PATE1: variants seen among roughly 807,000 people sequenced by gnomAD.
PATE1 encodes prostate and testis expressed protein 1.
PATE1 carries 21 observed loss-of-function variants against 13.1 expected under a neutral mutation model. That is an observed-to-expected ratio of 1.61 (90% confidence interval 1.14 to 2.31). PATE1 has a LOEUF of 2.31. Among genes scored for constraint, PATE1 ranks in the 30% most tolerant of loss-of-function variants. The pLI, the probability that PATE1 is intolerant of heterozygous loss-of-function variation, is 0.00. For synonymous variants in PATE1, 52 were observed against 47.1 expected, an observed-to-expected ratio of 1.10 and a Z score of -0.43; for missense variants, 166 against 147.2, an observed-to-expected ratio of 1.13 and a Z score of -0.66.
In PATE1 at chr11:125,746,464, T is replaced by C. The variant is rs1001414957; in HGVS notation, c.52+108T>C. ...GAGTCCTATGGCAACTGAAGCATGATGAGCTTCTGTTCTAATGTTATGCCT... is the reference window on the plus strand; with the variant it reads ...GAGTCCTATGGCAACTGAAGCATGACGAGCTTCTGTTCTAATGTTATGCCT... On this transcript the variant is annotated intron_variant, in intron 1 of 4. Transcript: ENST00000305738. 16 of 1,367,310 alleles carry C rather than the reference T, an allele frequency of 1.2e-5. No individual in the cohort carries two copies. In the African/African-American group the frequency reaches 1.7e-4, roughly 15 times the overall value. The allele number at this position is 1,367,310 out of a possible 1,614,324, so 84.7% of individuals were successfully genotyped here.
In PATE1 at chr11:125,748,590, C is replaced by G; in HGVS notation, c.248-10C>G. On this transcript the variant is annotated splice_polypyrimidine_tract_variant and intron_variant, in intron 4 of 4. Transcript: ENST00000305738. ...CAGGCTTCCTGATCTGTTTTTTCTC[C>G]CCTCCACAGGGGATGGTAATCCCTG... 2.5e-6 allele frequency: 4 copies of G among 1,607,440 alleles called. No homozygotes were observed. The highest frequency in any genetic ancestry group is 3.4e-6 in the Non-Finnish European group (4 of 1,178,246).
In PATE1 at chr11:125,749,380, CAGG is replaced by C. The variant is rs71969313; in HGVS notation, c.*650_*652del. On this transcript the variant is annotated 3_prime_UTR_variant, in exon 5 of 5. Coordinates refer to ENST00000305738, the MANE Select transcript of PATE1 (RefSeq NM_138294.3). ...GGGGCTGGGGGTTGGAGAATAAAAGCAGGAGAAGTCTATGGGATTCTAGAAATA... is the reference window on the plus strand; with the variant it reads ...GGGGCTGGGGGTTGGAGAATAAAAGCAGAAGTCTATGGGATTCTAGAAATA... The C allele has an allele frequency of 0.53, 80,073 of 151,786 alleles. 21,842 individuals are homozygous for C. The highest frequency in any genetic ancestry group is 0.68 in the African/African-American group (28,146 of 41,332). 9.4% of individuals were successfully genotyped at this position (151,786 alleles called of 1,614,324 possible).
At position 125,749,594 on chromosome 11, in the gene PATE1, A is replaced by G. The variant is rs1158280265; in HGVS notation, c.*861A>G. 1 of 152,144 alleles carries G rather than the reference A, an allele frequency of 6.6e-6. No individual in the cohort carries two copies. The highest frequency in any genetic ancestry group is 1.5e-5 in the Non-Finnish European group (1 of 68,036). 9.4% of individuals were successfully genotyped at this position (152,144 alleles called of 1,614,324 possible). A position where few individuals can be genotyped will look rare whatever the true frequency, so the allele number is the denominator to read the frequency against. On this transcript the variant is annotated 3_prime_UTR_variant, in exon 5 of 5. Coordinates refer to ENST00000305738, the MANE Select transcript of PATE1 (RefSeq NM_138294.3). Reference sequence around the variant, plus strand: ...AGGAAGCCATTTGAGTCTGGCCACTAGACATCTCATCAGCCACTTGTGTGA... The same window carrying G: ...AGGAAGCCATTTGAGTCTGGCCACTGGACATCTCATCAGCCACTTGTGTGA...
chr11:125,747,437 T>C (rs772708308), intron 3 of PATE1, 26 bp downstream of exon 3: 2 of 1,597,968 alleles, frequency 1.3e-6, no homozygotes, highest in African/African-American at 1.3e-5. Context: ...ACCTGTCTGA[T>C]CACCTCAGTC....
rs531287501 is a variant in PATE1 at position 125,746,357 on chromosome 11, G to A, written c.52+1G>A. ...CCCATCCTGCTCTGCTGCTTTAGGG[G>A]TGAGTCCCTAGGGTTGACAGCTGGT... On this transcript the variant is annotated splice_donor_variant, in intron 1 of 4. Coordinates refer to ENST00000305738, the MANE Select transcript of PATE1 (RefSeq NM_138294.3). LOFTEE classifies it high-confidence loss of function. 1.2e-4 allele frequency: 190 copies of A among 1,613,686 alleles called. No individual in the cohort carries two copies. The South Asian group carries it at 1.4e-3, about 12-fold the overall frequency.
chr11:125,747,901 T>C (rs2134165131), intron 4 of PATE1, 79 bp downstream of exon 4: 1 of 1,572,604 alleles, frequency 6.4e-7, no homozygotes, highest in Non-Finnish European at 8.7e-7. Context: ...AAAGGAGAGA[T>C]CTTACTTTAC....
chr11:125,746,466 A>T, intron 1 of PATE1, 110 bp downstream of exon 1: 1 of 1,364,638 alleles, frequency 7.3e-7, no homozygotes, highest in Non-Finnish European at 1.0e-6. Flanking sequence ...AAGCATGATG[A>T]GCTTCTGTTC....
At chr11:125,746,548 A>AT (rs1943273281) in intron 1 of PATE1, 113 bp from the exon 2 acceptor site, 1 of 1,406,242 alleles carries the variant, frequency 7.1e-7, no homozygotes, top group Non-Finnish European at 1.0e-6. Flanking sequence ...CCCTTCCTTT[A>AT]TGGGGGGAAA....
intron 3 of PATE1, 107 bp downstream of exon 3, chr11:125,747,518 G>C: frequency 2.1e-6 from 3 of 1,433,910 alleles, no homozygotes; most frequent in Non-Finnish European, 2.9e-6. Flanking sequence ...TAAAATTCCT[G>C]AGACCATAAA....
intron 1 of PATE1, 131 bp from the exon 2 acceptor site, chr11:125,746,530 G>A (rs2134164365): frequency 7.5e-7 from 1 of 1,338,228 alleles, no homozygotes; most frequent in Non-Finnish European, 1.1e-6. Context: ...CTTAACTAAA[G>A]CTCTTCTCCC....
chr11:125,746,324 T>C lies in PATE1; in HGVS notation c.20T>C (p.Leu7Pro), dbSNP rs749225590. Residue 7 changes from leucine (L) to proline (P), a missense_variant, in exon 1 of 5, where the codon CTG (leucine) becomes CCG (proline). Physicochemically the swap from Leu to Pro is moderately conservative, Grantham distance 98 (BLOSUM62 -3). Coordinates refer to ENST00000305738, the MANE Select transcript of PATE1 (RefSeq NM_138294.3). MDKSLLLELPILLCCFR... is the reference protein window; with the variant it reads MDKSLLPELPILLCCFR... ...TCCAAAATGGACAAGTCCCTCTTGC[T>C]GGAACTCCCCATCCTGCTCTGCTGC... 3.1e-6 allele frequency: 5 copies of C among 1,613,956 alleles called. No homozygotes were observed. In the South Asian group the frequency reaches 5.5e-5, roughly 18 times the overall value.
chr11:125,748,843 G>A lies in PATE1; in HGVS notation c.*110G>A. On this transcript the variant is annotated 3_prime_UTR_variant, in exon 5 of 5. Coordinates refer to ENST00000305738, the MANE Select transcript of PATE1 (RefSeq NM_138294.3). Reference sequence around the variant, plus strand: ...ACACACACACACACACACTACAGAAGAGGATTGCAAACACATGGCTCCATC... The same window carrying A: ...ACACACACACACACACACTACAGAAAAGGATTGCAAACACATGGCTCCATC... 1 of 1,319,224 alleles carries A rather than the reference G, an allele frequency of 7.6e-7. No homozygotes were observed. Among genetic ancestry groups the A allele is most frequent in the Non-Finnish European group, 1.0e-6 (1 of 975,054 alleles). 81.7% of individuals were successfully genotyped at this position (1,319,224 alleles called of 1,614,324 possible).
Position 125,749,254 on chromosome 11 carries a change from T to C in PATE1, c.*521T>C, listed in dbSNP as rs1943309119. On this transcript the variant is annotated 3_prime_UTR_variant, in exon 5 of 5. Transcript: ENST00000305738. ...AGTCTTCTTGGAGTTTGTTCATGAATGCTGATCCCAGGGTGAGGAGAAGAT... is the reference window on the plus strand; with the variant it reads ...AGTCTTCTTGGAGTTTGTTCATGAACGCTGATCCCAGGGTGAGGAGAAGAT... The C allele has an allele frequency of 6.6e-6, 1 of 152,272 alleles. No homozygotes were observed. The highest frequency in any genetic ancestry group is 6.5e-5 in the Admixed American group (1 of 15,276). The allele number at this position is 152,272 out of a possible 1,614,324, so 9.4% of individuals were successfully genotyped here.
At chr11:125,748,120 G>T (rs984571515) in intron 4 of PATE1, 7 of 374,646 alleles carry the variant, frequency 1.9e-5, no homozygotes, top group Admixed American at 8.0e-5. Flanking sequence ...ACAGTGTGTT[G>T]TTGAGTTGTG....
At chr11:125,748,510 A>C in intron 4 of PATE1, 90 bp from the exon 5 acceptor site, 1 of 1,424,428 alleles carries the variant, frequency 7.0e-7, no homozygotes, top group Non-Finnish European at 9.5e-7. Context: ...ACACAAGATT[A>C]TTTCTATATG....
chr11:125,746,728 G>C (rs1184401056), intron 2 of PATE1, 32 bp downstream of exon 2: 5 of 1,611,850 alleles, frequency 3.1e-6, no homozygotes, highest in Middle Eastern at 1.7e-4. Context: ...GTATGAGAAG[G>C]GGAAGGTCTG....
chr11:125,746,379 T>C (rs755797297), intron 1 of PATE1, 23 bp downstream of exon 1: 15 of 1,611,732 alleles, frequency 9.3e-6, no homozygotes, highest in Non-Finnish European at 1.3e-5. Context: ...GGTTGACAGC[T>C]GGTAAGAGTC....
intron 4 of PATE1, chr11:125,748,031 A>T: frequency 1.6e-6 from 1 of 643,322 alleles, no homozygotes; most frequent in East Asian, 3.1e-5. Context: ...CTAAGGGATT[A>T]GCATTTTGAG....
chr11:125,748,699 G>T lies in PATE1; in HGVS notation c.347G>T (p.Cys116Phe). Residue 116 changes from cysteine to phenylalanine, a missense_variant, in exon 5 of 5, where the codon TGC becomes TTC. Physicochemically the swap from Cys to Phe is radical, Grantham distance 205 (BLOSUM62 -2). Coordinates refer to ENST00000305738, the MANE Select transcript of PATE1 (RefSeq NM_138294.3). Reference protein sequence around the residue: ...WSVYLVNFRCCRSHDLCNEDL With the variant: ...WSVYLVNFRCFRSHDLCNEDL ...GTCTATTTGGTGAACTTCAGGTGCTGCAGGAGCCATGACCTGTGCAATGAA... is the reference window on the plus strand; with the variant it reads ...GTCTATTTGGTGAACTTCAGGTGCTTCAGGAGCCATGACCTGTGCAATGAA... 1 of 1,613,940 alleles carries T rather than the reference G, an allele frequency of 6.2e-7. No individual in the cohort carries two copies. The highest frequency in any genetic ancestry group is 8.5e-7 in the Non-Finnish European group (1 of 1,179,898).
Sources: gnomAD v4.1 joint callset for allele counts on GRCh38, gnomAD v4.1.1 for gene constraint, MANE v1.5 for transcripts, NCBI Gene and HGNC (gene_info 2026-07-23, HGNC 2026-07-21) for gene names.